COL5A3: variants seen among roughly 807,000 people sequenced by gnomAD.
COL5A3 encodes collagen alpha-3(V) chain.
Under a neutral mutation model 250.0 loss-of-function variants are expected in COL5A3, and 172 were observed. The ratio of observed to expected loss-of-function variants is 0.69; its 90% CI spans 0.61 to 0.78. COL5A3 has a LOEUF of 0.78. COL5A3 is among the 30% of genes least tolerant of loss of function. COL5A3 has a pLI of 0.00. For synonymous variants in COL5A3, 937 were observed against 900.4 expected (o/e 1.04, Z -0.73); for missense variants, 2,340 against 2,334.4 (o/e 1.00, Z -0.05).
rs772967581 is a variant in COL5A3, at chr19:9,986,572, A to T, written c.2225T>A (p.Val742Glu). 1 of 1,612,776 alleles carries T rather than the reference A, an allele frequency of 6.2e-7. No individual in the cohort carries two copies. The highest frequency in any genetic ancestry group is 8.5e-7 in the Non-Finnish European group (1 of 1,179,764). Reference sequence around the variant, plus strand: ...TCTTACCTGATCACCTTTGAGCCCCACATCGCCCTTGAAGCCTGGGAAGCC... The same window carrying T: ...TCTTACCTGATCACCTTTGAGCCCCTCATCGCCCTTGAAGCCTGGGAAGCC... ...EDGFPGFKGDVGLKGDQGKPG... is the reference protein window; with the variant it reads ...EDGFPGFKGDEGLKGDQGKPG... Residue 742 changes from valine (V) to glutamate (E), a missense_variant, in exon 29 of 67, where the codon GTG becomes GAG. Around this residue, in one of 3 missense-constraint regions of COL5A3, gnomAD observed 1,152 missense variants for 1,146.3 expected, o/e 1.00. Transcript: ENST00000264828.
At chr19:9,995,748 C>T in intron 15 of COL5A3, 131 bp from the exon 16 acceptor site, 1 of 654,590 alleles carries the variant, frequency 1.5e-6, no homozygotes. Flanking sequence ...TCAAGCAATA[C>T]TCCCTCCTCA....
chr19:9,970,642 G>T lies in COL5A3; in HGVS notation c.3916C>A (p.Pro1306Thr). Residue 1306 changes from proline to threonine, a missense_variant, in exon 54 of 67, where the codon CCC becomes ACC. Physicochemically the swap from Pro to Thr is conservative, Grantham distance 38. Transcript: ENST00000264828. ...PPGASGEPGA[P>T]GPPGKRGPSG... ...CTTACCCTCTTGCCGGGGGGCCCGG[G>T]GGCGCCGGGCTCCCCAGAAGCTCCA... is the stretch of plus-strand genomic sequence containing the variant. 6.9e-7 allele frequency: 1 copy of T among 1,455,542 alleles called. No homozygotes were observed. 90.2% of individuals were successfully genotyped at this position (1,455,542 alleles called of 1,614,324 possible). A position where few individuals can be genotyped will look rare whatever the true frequency, so the allele number is the denominator to read the frequency against.
intron 65 of COL5A3, among the ~76,000 whole-genome samples, chr19:9,961,298 G>A (rs1354289018): frequency 6.6e-6 from 1 of 152,174 alleles, no homozygotes; most frequent in Admixed American, 6.5e-5. Flanking sequence ...TAGCCACGTG[G>A]CTTTTGAGCA....
chr19:9,992,996 A>G, intron 20 of COL5A3, 27 bp downstream of exon 20: 3 of 1,612,560 alleles, frequency 1.9e-6, no homozygotes, highest in Non-Finnish European at 2.5e-6. Flanking sequence ...GCACCAAGCA[A>G]GGGGCCCAGG....
rs989852174 is a variant in COL5A3, at chr19:9,974,419, A to G, written c.3343-11T>C. On this transcript the variant is annotated splice_polypyrimidine_tract_variant and intron_variant, in intron 45 of 66. Coordinates refer to ENST00000264828, the MANE Select transcript of COL5A3 (RefSeq NM_015719.4). ...AGCCCCGTCTGCTCCCTGGAAGAACACAAACAGGGGCACATTTAAGGTCTG... is the reference window on the plus strand; with the variant it reads ...AGCCCCGTCTGCTCCCTGGAAGAACGCAAACAGGGGCACATTTAAGGTCTG... 4 of 1,565,166 alleles carry G rather than the reference A, an allele frequency of 2.6e-6. No homozygotes were observed. The highest frequency in any genetic ancestry group is 2.7e-5 in the African/African-American group (2 of 72,984).
chr19:9,993,526 AG>A (rs1321247359), intron 18 of COL5A3, 92 bp downstream of exon 18: 2 of 1,575,844 alleles, frequency 1.3e-6, no homozygotes, highest in African/African-American at 2.7e-5. Context: ...GGAGGGACAC[AG>A]GGATCATGAC....
intron 1 of COL5A3, among the ~76,000 whole-genome samples, chr19:10,007,507 G>A (rs2087460174): frequency 6.6e-6 from 1 of 152,236 alleles, no homozygotes. Flanking sequence ...GAACCACATG[G>A]CTTGGGCAGG....
chr19:9,986,003 G>A (rs1339258543), intron 30 of COL5A3, 108 bp from the exon 31 acceptor site: 23 of 995,420 alleles, frequency 2.3e-5, no homozygotes, highest in Non-Finnish European at 3.3e-5. Flanking sequence ...ATGGGAGTTG[G>A]GGAAACGAGG....
intron 16 of COL5A3, 73 bp from the exon 17 acceptor site, chr19:9,993,879 T>A: frequency 1.5e-6 from 2 of 1,361,070 alleles, no homozygotes; most frequent in East Asian, 2.3e-5. Flanking sequence ...GGAACCCAAC[T>A]TCATCATCAA....
chr19:9,969,462 C>A lies in COL5A3; in HGVS notation c.4099-60G>T, dbSNP rs369978422. On this transcript the variant is annotated intron_variant, in intron 56 of 66. Transcript: ENST00000264828. Reference sequence around the variant, plus strand: ...CCTGTCAGAACACAGTGTGGACCCCCCCCCGACCATGCACCAGGGGCAGCC... The same window carrying A: ...CCTGTCAGAACACAGTGTGGACCCCACCCCGACCATGCACCAGGGGCAGCC... 14 of 1,594,070 alleles carry A rather than the reference C, an allele frequency of 8.8e-6. No individual in the cohort carries two copies. The African/African-American group carries it at 1.1e-4, about 12-fold the overall frequency.
In COL5A3 at chr19:9,993,795, T is replaced by A. The variant is rs754814022; in HGVS notation, c.1599A>T (p.Gly533=). The change falls in exon 17 of 67, where the codon GGA becomes GGT. Residue 533 remains glycine, a synonymous_variant. Coordinates refer to ENST00000264828, the MANE Select transcript of COL5A3 (RefSeq NM_015719.4). ...PGRVGKMGRP[G]ADGARGLPGD... is the part of the protein sequence containing the mutation. The stretch of plus-strand genomic sequence containing the variant: ...CTGGGAGGCCCCGAGCTCCATCTGC[T>A]CCAGGGCGGCCCTATGGAGAAAGTA... 1 of 1,614,108 alleles carries A rather than the reference T, an allele frequency of 6.2e-7. No homozygotes were observed. The highest frequency in any genetic ancestry group is 8.5e-7 in the Non-Finnish European group (1 of 1,180,006).
At chr19:9,982,804 C>T (rs918492181) in intron 31 of COL5A3, among the ~76,000 whole-genome samples, 1 of 152,108 alleles carries the variant, frequency 6.6e-6, no homozygotes, top group African/African-American at 2.4e-5. Context: ...TTTCAGGCTC[C>T]CTCTACTCTC....
chr19:9,970,995 G>A lies in COL5A3; in HGVS notation c.3862C>T (p.Pro1288Ser), dbSNP rs1479302730. 1.9e-6 allele frequency: 3 copies of A among 1,560,040 alleles called. No individual in the cohort carries two copies. Among genetic ancestry groups the A allele is most frequent in the Non-Finnish European group, 2.6e-6 (3 of 1,157,562 alleles). ...IDGSPGEKGD[P>S]GDVGGPGPPG... ...CTCACCGGTCCCCCAACATCACCAGGGTCTCCCTTCTCCCCTGGGGAACCA... is the reference window on the plus strand; with the variant it reads ...CTCACCGGTCCCCCAACATCACCAGAGTCTCCCTTCTCCCCTGGGGAACCA... The change falls in exon 53 of 67, where the codon CCT (proline) becomes TCT (serine). Residue 1288 changes from proline to serine, a missense_variant. Coordinates refer to ENST00000264828, the MANE Select transcript of COL5A3 (RefSeq NM_015719.4).
Position 9,993,778 on chromosome 19 carries a change from C to G in COL5A3, c.1616G>C (p.Gly539Ala). The G allele has an allele frequency of 1.2e-6, 2 of 1,614,188 alleles. No individual in the cohort carries two copies. The highest frequency in any genetic ancestry group is 1.7e-6 in the Non-Finnish European group (2 of 1,180,032). Residue 539 changes from glycine to alanine, a missense_variant, in exon 17 of 67, where the codon GGC becomes GCC. Physicochemically the swap from Gly to Ala is moderately conservative, Grantham distance 60 (BLOSUM62 0). Around this residue, in one of 3 missense-constraint regions of COL5A3, gnomAD observed 1,152 missense variants for 1,146.3 expected, o/e 1.00. Coordinates refer to ENST00000264828, the MANE Select transcript of COL5A3 (RefSeq NM_015719.4). ...MGRPGADGAR[G>A]LPGDTGPKGD... Reference sequence around the variant, plus strand: ...CTTAGGTCCAGTGTCCCCTGGGAGGCCCCGAGCTCCATCTGCTCCAGGGCG... The same window carrying G: ...CTTAGGTCCAGTGTCCCCTGGGAGGGCCCGAGCTCCATCTGCTCCAGGGCG...
At position 10,001,598 on chromosome 19, in the gene COL5A3, C is replaced by T; in HGVS notation, c.1036G>A (p.Gly346Arg). 1 of 1,614,064 alleles carries T rather than the reference C, an allele frequency of 6.2e-7. No homozygotes were observed. Residue 346 changes from glycine to arginine, a missense_variant, in exon 8 of 67, where the codon GGA (glycine) becomes AGA (arginine). Coordinates refer to ENST00000264828, the MANE Select transcript of COL5A3 (RefSeq NM_015719.4). ...ETKAAREDEE[G>R]DDSTMGPDFR... is the part of the protein sequence containing the mutation. ...TCAGGGCCCATGGTGGAATCATCTCCTTCTTCATCCTCCCTGGCTGCCTTG... is the reference window on the plus strand; with the variant it reads ...TCAGGGCCCATGGTGGAATCATCTCTTTCTTCATCCTCCCTGGCTGCCTTG...
intron 10 of COL5A3, 58 bp downstream of exon 10, chr19:9,997,926 T>C: frequency 6.3e-7 from 1 of 1,595,854 alleles, no homozygotes; most frequent in Middle Eastern, 1.8e-4. Context: ...TCCAGGGGAT[T>C]AAACACCCCT....
At chr19:10,004,453 C>T (rs970615954) in intron 4 of COL5A3, among the ~76,000 whole-genome samples, 8 of 152,208 alleles carry the variant, frequency 5.3e-5, no homozygotes, top group African/African-American at 1.9e-4. Context: ...TTCTCAGCCT[C>T]CCAAGTAGCT....
In COL5A3 at chr19:10,001,859, G is replaced by A; in HGVS notation, c.872C>T (p.Thr291Ile). 6.2e-7 allele frequency: 1 copy of A among 1,614,074 alleles called. No homozygotes were observed. Among genetic ancestry groups the A allele is most frequent in the Non-Finnish European group, 8.5e-7 (1 of 1,179,952 alleles). The part of the protein sequence containing the change: ...ENQTSTDIPK[T>I]ETPAPNLPPT... ...AGGCAGATTTGGAGCTGGAGTCTCT[G>A]TCTTGGGGATGTCAGTGGAGGTCTG... Residue 291 changes from threonine to isoleucine, a missense_variant, in exon 7 of 67, where the codon ACA becomes ATA. Physicochemically the swap from Thr to Ile is moderately conservative, Grantham distance 89. This residue lies in a region of COL5A3 where 1,152 missense variants were observed against 1,146.3 expected (regional missense o/e 1.00). Coordinates refer to ENST00000264828, the MANE Select transcript of COL5A3 (RefSeq NM_015719.4).
intron 16 of COL5A3, among the ~76,000 whole-genome samples, chr19:9,995,107 C>T (rs1010632334): frequency 1.3e-5 from 2 of 152,074 alleles, no homozygotes; most frequent in Admixed American, 6.6e-5. Flanking sequence ...GGGGTTTCCC[C>T]ATGTTGGCCA....
Sources: gnomAD v4.1 joint callset for allele counts (sites outside exome capture counted in the v4.1 genomes callset) on GRCh38, gnomAD v4.1.1 for gene constraint, gnomAD v4.1.1 regional missense constraint, MANE v1.5 for transcripts, NCBI Gene and HGNC (gene_info 2026-07-23, HGNC 2026-07-21) for gene names.